Variants in BRAF observed in about 807,000 individuals in gnomAD.
BRAF encodes the protein serine/threonine-protein kinase B-raf.
In BRAF, 16 loss-of-function variants were observed where a neutral mutation model predicts 104.6. The observed-to-expected ratio is 0.15, with a 90% CI of 0.10 to 0.23. The LOEUF (loss-of-function observed/expected upper bound fraction) is 0.23, where lower values mean the gene tolerates loss of function less well. Ranked by LOEUF, BRAF falls within the 10% of genes least tolerant of loss-of-function variation. BRAF has a pLI of 1.00. For synonymous variants in BRAF, 310 were observed against 341.6 expected (o/e 0.91, Z 1.02); for missense variants, 541 against 937.3 (o/e 0.58, Z 5.52).
chr7:140,720,227 CA>C lies in BRAF; in HGVS notation c.*6266del, dbSNP rs1795255544. Reference sequence around the variant, plus strand: ...GTACAACCAACAAATGAGATTACCACAAATACATATCACTGTGATACAGTCC... The same window carrying C: ...GTACAACCAACAAATGAGATTACCACAATACATATCACTGTGATACAGTCC... On this transcript the variant is annotated 3_prime_UTR_variant, in exon 20 of 20. Transcript: ENST00000644969. 1 of 1,062,820 alleles carries C rather than the reference CA, an allele frequency of 9.4e-7. No homozygotes were observed. Among genetic ancestry groups the C allele is most frequent in the Non-Finnish European group, 1.1e-6 (1 of 877,780 alleles). The allele number at this position is 1,062,820 out of a possible 1,614,324, so 65.8% of individuals were successfully genotyped here.
chr7:140,836,030 A>C (rs1002722586), intron 2 of BRAF: 1 of 152,182 alleles, frequency 6.6e-6, no homozygotes, highest in African/African-American at 2.4e-5. Context: ...CAGCCTTGAA[A>C]GGTTGGCATT....
chr7:140,822,119 C>T (rs1336864652), intron 3 of BRAF, among the ~76,000 whole-genome samples: 1 of 151,976 alleles, frequency 6.6e-6, no homozygotes, highest in Non-Finnish European at 1.5e-5. Context: ...ATGCAATATA[C>T]CCAGATAACA....
At chr7:140,776,633 AT>A (rs1800362468) in intron 14 of BRAF, among the ~76,000 whole-genome samples, 1 of 152,188 alleles carries the variant, frequency 6.6e-6, no homozygotes, top group Non-Finnish European at 1.5e-5. Flanking sequence ...TGCTGTTTCT[AT>A]CTTCTGAACC....
intron 3 of BRAF, among the ~76,000 whole-genome samples, chr7:140,811,515 A>G (rs1234575176): frequency 1.3e-5 from 2 of 152,194 alleles, no homozygotes; most frequent in African/African-American, 2.4e-5. Flanking sequence ...TCTATGTATC[A>G]AAGAGCTCCA....
intron 16 of BRAF, among the ~76,000 whole-genome samples, chr7:140,752,981 G>C (rs1276021681): frequency 6.0e-5 from 9 of 150,838 alleles, no homozygotes; most frequent in Non-Finnish European, 1.3e-4. Context: ...ACTGAAACTG[G>C]TTTCAAAATA....
chr7:140,874,502 A>G (rs1437541674), intron 1 of BRAF, among the ~76,000 whole-genome samples: 1 of 151,296 alleles, frequency 6.6e-6, no homozygotes, highest in Non-Finnish European at 1.5e-5. Context: ...GACTGGCCTA[A>G]AAAAAGTTTA....
At position 140,726,349 on chromosome 7, in the gene BRAF, AT is replaced by A; in HGVS notation, c.*144del. On this transcript the variant is annotated 3_prime_UTR_variant, in exon 20 of 20. Coordinates refer to ENST00000644969, the MANE Select transcript of BRAF (RefSeq NM_001374258.1). ...TCTTTCCTCTTTTGTTGGATGGGAAATTCCATTCTGTTCCACATCAGCTTAT... is the reference window on the plus strand; with the variant it reads ...TCTTTCCTCTTTTGTTGGATGGGAAATCCATTCTGTTCCACATCAGCTTAT... 3 of 1,447,034 alleles carry A rather than the reference AT, an allele frequency of 2.1e-6. No homozygotes were observed. Among genetic ancestry groups the A allele is most frequent in the Non-Finnish European group, 2.7e-6 (3 of 1,106,996 alleles). 89.6% of individuals were successfully genotyped at this position (1,447,034 alleles called of 1,614,324 possible).
intron 9 of BRAF, among the ~76,000 whole-genome samples, chr7:140,786,346 C>T (rs145548989): frequency 6.6e-6 from 1 of 152,110 alleles, no homozygotes; most frequent in Non-Finnish European, 1.5e-5. Flanking sequence ...TGAGTCTGGG[C>T]TTAGATATTT....
Position 140,808,073 on chromosome 7 carries a change from T to G in BRAF, c.609-11A>C. On this transcript the variant is annotated splice_polypyrimidine_tract_variant and intron_variant, in intron 4 of 19. Coordinates refer to ENST00000644969, the MANE Select transcript of BRAF (RefSeq NM_001374258.1). ...ATTGGTTTCTTCTCTCTGAAAAATG[T>G]AGACACAAGCCTTTCTTGGTTATTA... 6.3e-7 allele frequency: 1 copy of G among 1,586,062 alleles called. No individual in the cohort carries two copies. Among genetic ancestry groups the G allele is most frequent in the Non-Finnish European group, 8.7e-7 (1 of 1,154,806 alleles).
chr7:140,901,550 T>C (rs1256596607), intron 1 of BRAF, among the ~76,000 whole-genome samples: 1 of 152,314 alleles, frequency 6.6e-6, no homozygotes, highest in East Asian at 1.9e-4. Flanking sequence ...CTACAGGAAT[T>C]TGCATTTGGA....
chr7:140,859,619 T>G (rs1241729702), intron 1 of BRAF, among the ~76,000 whole-genome samples: 1 of 151,978 alleles, frequency 6.6e-6, no homozygotes, highest in African/African-American at 2.4e-5. Flanking sequence ...ATAAATTCAG[T>G]GTAGTGCAAT....
At chr7:140,810,280 C>G (rs1252563219) in intron 3 of BRAF, among the ~76,000 whole-genome samples, 1 of 152,106 alleles carries the variant, frequency 6.6e-6, no homozygotes, top group African/African-American at 2.4e-5. Context: ...ACCATTAAAA[C>G]TATCCAGGTT....
chr7:140,769,066 C>T (rs1799593239), intron 14 of BRAF, among the ~76,000 whole-genome samples: 1 of 151,012 alleles, frequency 6.6e-6, no homozygotes, highest in Non-Finnish European at 1.5e-5. Flanking sequence ...AGAAAATGGA[C>T]TAAAACACCT....
Position 140,722,017 on chromosome 7 carries a change from A to G in BRAF, c.*4477T>C. On this transcript the variant is annotated 3_prime_UTR_variant, in exon 20 of 20. Transcript: ENST00000644969. ...TATTTCAATTTCCCCTTCTAAGTTA[A>G]TACATGATTGCTGCCCATCATACAG... 8.7e-7 allele frequency: 1 copy of G among 1,147,412 alleles called. No homozygotes were observed. Among genetic ancestry groups the G allele is most frequent in the Non-Finnish European group, 1.1e-6 (1 of 934,234 alleles). 71.1% of individuals were successfully genotyped at this position (1,147,412 alleles called of 1,614,324 possible).
intron 1 of BRAF, among the ~76,000 whole-genome samples, chr7:140,918,014 C>T (rs1265983501): frequency 6.6e-6 from 1 of 152,078 alleles, no homozygotes. Context: ...GCCATCTGAC[C>T]CTTAAGATTG....
chr7:140,897,180 C>T (rs1016246635), intron 1 of BRAF, among the ~76,000 whole-genome samples: 1 of 151,586 alleles, frequency 6.6e-6, no homozygotes, highest in African/African-American at 2.4e-5. Context: ...AGAGAAGAGA[C>T]TGGCATTACC....
chr7:140,917,664 C>T lies in BRAF; in HGVS notation c.138+6902G>A, dbSNP rs1181851837. Among the ~76,000 whole-genome samples, 5 of 152,286 alleles carry T rather than the reference C, an allele frequency of 3.3e-5. No homozygotes were observed. The South Asian group carries it at 1.0e-3, about 32-fold the overall frequency. ...TATGAACTTTCTATAGACCTCTAAC[C>T]TACATCTTACTTTGAGAACCTCAAA... On this transcript the variant is annotated intron_variant, in intron 1 of 19. Transcript: ENST00000644969.
At chr7:140,802,871 T>C (rs1562967229) in intron 5 of BRAF, among the ~76,000 whole-genome samples, 1 of 152,182 alleles carries the variant, frequency 6.6e-6, no homozygotes, top group Non-Finnish European at 1.5e-5. Flanking sequence ...AAGTCTACAG[T>C]AACAAATAGT....
intron 3 of BRAF, among the ~76,000 whole-genome samples, chr7:140,832,612 G>A (rs761068135): frequency 4.6e-5 from 7 of 152,154 alleles, no homozygotes; most frequent in Non-Finnish European, 1.0e-4. Flanking sequence ...TTAAGTTCAC[G>A]ATATACAGTT....
Sources: gnomAD v4.1 joint callset for allele counts (sites outside exome capture counted in the v4.1 genomes callset) on GRCh38, gnomAD v4.1.1 for gene constraint, MANE v1.5 for transcripts, NCBI Gene and HGNC (gene_info 2026-07-23, HGNC 2026-07-21) for gene names.